Variants in LRRFIP2 observed in about 807,000 individuals in gnomAD.
LRRFIP2 encodes LRR binding FLII interacting protein 2, also known as leucine-rich repeat flightless-interacting protein 2.
LRRFIP2 carries 109 observed loss-of-function variants against 125.9 expected under a neutral mutation model. That is an observed-to-expected ratio of 0.87 (90% CI 0.74 to 1.01). The LOEUF is 1.01. Ranked by LOEUF, LRRFIP2 falls within the 50% of genes least tolerant of loss-of-function variation. The probability of loss-of-function intolerance (pLI) is 0.00; values close to 1 mark genes in which losing one functional copy is unlikely to be tolerated. For missense variants in LRRFIP2, 850 were observed against 862.3 expected (o/e 0.99, Z 0.18); for synonymous variants, 291 against 293.1 (o/e 0.99, Z 0.07).
chr3:37,106,728 A>C (rs1337019539), intron 13 of LRRFIP2, among the ~76,000 whole-genome samples: 2 of 152,020 alleles, frequency 1.3e-5, no homozygotes, highest in African/African-American at 4.8e-5. Flanking sequence ...GGACCACCTG[A>C]GGTCACAAGT....
At chr3:37,129,267 T>C in intron 2 of LRRFIP2, 118 bp from the exon 3 acceptor site, 2 of 751,564 alleles carry the variant, frequency 2.7e-6, no homozygotes, top group South Asian at 1.6e-5. Context: ...GAGAAGATAT[T>C]ATCTATCAGC....
At chr3:37,069,009 G>C (rs1437137175) in intron 21 of LRRFIP2, among the ~76,000 whole-genome samples, 1 of 152,160 alleles carries the variant, frequency 6.6e-6, no homozygotes, top group African/African-American at 2.4e-5. Flanking sequence ...AATGAAGCTA[G>C]AGACAAGTAG....
intron 19 of LRRFIP2, among the ~76,000 whole-genome samples, chr3:37,082,859 A>G (rs74403596): frequency 0.017 from 2,545 of 152,252 alleles, 79 homozygotes; most frequent in African/African-American, 0.055. Flanking sequence ...CTCTCCCTTT[A>G]TTATGTGCAA....
intron 1 of LRRFIP2, among the ~76,000 whole-genome samples, chr3:37,152,964 C>T (rs111640226): frequency 8.1e-4 from 124 of 152,178 alleles, no homozygotes; most frequent in African/African-American, 3.0e-3. Flanking sequence ...ATTCCAGACA[C>T]ATAAAAATCA....
chr3:37,110,455 T>C (rs1018183814), intron 9 of LRRFIP2, among the ~76,000 whole-genome samples: 2 of 152,210 alleles, frequency 1.3e-5, no homozygotes, highest in Non-Finnish European at 2.9e-5. Context: ...ATACACTTAA[T>C]GTGTCTTAAA....
At chr3:37,066,564 T>A (rs1416610558) in intron 21 of LRRFIP2, 2 of 455,126 alleles carry the variant, frequency 4.4e-6, no homozygotes, top group African/African-American at 3.9e-5. Flanking sequence ...CAAAACATGT[T>A]TAATCACATC....
chr3:37,175,419 G>GA (rs35324655), upstream of LRRFIP2, among the ~76,000 whole-genome samples: 1 of 152,132 alleles, frequency 6.6e-6, no homozygotes, highest in African/African-American at 2.4e-5. Flanking sequence ...CTCCCACGGT[G>GA]AAAAAAGTAA....
chr3:37,109,439 T>C (rs1370069760), intron 11 of LRRFIP2, 88 bp downstream of exon 11: 2 of 1,417,896 alleles, frequency 1.4e-6, no homozygotes, highest in East Asian at 2.3e-5. Context: ...TCCTTAACTA[T>C]TTTGGAGAAA....
chr3:37,163,276 C>T (rs1294075730), intron 1 of LRRFIP2, among the ~76,000 whole-genome samples: 1 of 152,186 alleles, frequency 6.6e-6, no homozygotes, highest in Non-Finnish European at 1.5e-5. Flanking sequence ...TGATATATTT[C>T]TTAGGGATAC....
At chr3:37,101,186 T>C (rs923957861) in intron 15 of LRRFIP2, among the ~76,000 whole-genome samples, 2 of 151,442 alleles carry the variant, frequency 1.3e-5, no homozygotes, top group African/African-American at 4.9e-5. Flanking sequence ...TGAAACCCCG[T>C]CTCTACTAAA....
At chr3:37,075,823 A>T (rs1242532025) in intron 19 of LRRFIP2, among the ~76,000 whole-genome samples, 1 of 152,192 alleles carries the variant, frequency 6.6e-6, no homozygotes, top group Non-Finnish European at 1.5e-5. Flanking sequence ...TAATTAAAAC[A>T]ATGTTGTTAT....
chr3:37,153,024 T>C (rs1349001189), intron 1 of LRRFIP2, among the ~76,000 whole-genome samples: 1 of 152,196 alleles, frequency 6.6e-6, no homozygotes, highest in Non-Finnish European at 1.5e-5. Context: ...AGTTTAACAG[T>C]GGTTTTTTTA....
At position 37,060,456 on chromosome 3, in the gene LRRFIP2, A is replaced by C. The variant is rs1260131639; in HGVS notation, c.1750-1546T>G. On this transcript the variant is annotated intron_variant, in intron 24 of 27. Transcript: ENST00000336686. The surrounding 1 kb of genome is among the most constrained non-coding windows in gnomAD (Gnocchi z 4.1). ...CCCGAGTAGCTGGGATTCCAGGTGCATGCCACCACGTCCAATTTTTGTATT... is the reference window on the plus strand; with the variant it reads ...CCCGAGTAGCTGGGATTCCAGGTGCCTGCCACCACGTCCAATTTTTGTATT... Among the ~76,000 whole-genome samples the C allele has an allele frequency of 6.6e-6, 1 of 151,958 alleles. No individual in the cohort carries two copies. The highest frequency in any genetic ancestry group is 1.5e-5 in the Non-Finnish European group (1 of 67,974).
At chr3:37,055,254 C>G (rs2086481797) in intron 25 of LRRFIP2, 89 bp from the exon 26 acceptor site, 8 of 739,226 alleles carry the variant, frequency 1.1e-5, no homozygotes, top group Non-Finnish European at 1.6e-5. Flanking sequence ...ACAGAGAGGA[C>G]CATGCAGTCT....
intron 1 of LRRFIP2, among the ~76,000 whole-genome samples, chr3:37,172,230 T>G (rs2096595491): frequency 1.3e-5 from 2 of 152,256 alleles, no homozygotes; most frequent in South Asian, 4.1e-4. Context: ...TATTGTTCAT[T>G]ACAGCAGTGT....
intron 14 of LRRFIP2, among the ~76,000 whole-genome samples, chr3:37,103,683 C>T (rs4678937): frequency 0.32 from 49,116 of 152,040 alleles, 9,849 homozygotes; most frequent in Non-Finnish European, 0.45. Flanking sequence ...AGAGAAGCAT[C>T]TCTAATCACC....
In LRRFIP2 at chr3:37,058,907, T is replaced by C; in HGVS notation, c.1753A>G (p.Arg585Gly). The C allele has an allele frequency of 6.2e-7, 1 of 1,613,844 alleles. No homozygotes were observed. The highest frequency in any genetic ancestry group is 8.5e-7 in the Non-Finnish European group (1 of 1,179,904). The change falls in exon 25 of 28, where the codon AGA (arginine) becomes GGA (glycine). Residue 585 changes from arginine to glycine, a missense_variant. By Grantham distance (125) the Arg-to-Gly change is moderately radical. Coordinates refer to ENST00000336686, the MANE Select transcript of LRRFIP2 (RefSeq NM_006309.4). ...TCCTCTAACTGAAGCTTCAGTTTTC[T>C]AATCTGAAATGAAAATAAAGGTTCA... The part of the protein sequence containing the change: ...GEKEELLSQI[R>G]KLKLQLEEER...
At chr3:37,116,846 T>C (rs1301237977) in intron 6 of LRRFIP2, among the ~76,000 whole-genome samples, 5 of 152,150 alleles carry the variant, frequency 3.3e-5, no homozygotes, top group South Asian at 2.1e-4. Context: ...TATAAATTCA[T>C]TGAAAATGTT....
Position 37,060,922 on chromosome 3 carries a change from T to A in LRRFIP2, c.1750-2012A>T, listed in dbSNP as rs1158633112. Among the ~76,000 whole-genome samples, 2 of 152,014 alleles carry A rather than the reference T, an allele frequency of 1.3e-5. No individual in the cohort carries two copies. The highest frequency in any genetic ancestry group is 4.8e-5 in the African/African-American group (2 of 41,426). ...TTTCTGGTATATCTCCTCTTACGGT[T>A]TGGATGTCTGTCCCCTCCAAATCTC... On this transcript the variant is annotated intron_variant, in intron 24 of 27. Transcript: ENST00000336686. The surrounding 1 kb of genome is among the most constrained non-coding windows in gnomAD (Gnocchi z 4.1).
Sources: gnomAD v4.1 joint callset for allele counts (sites outside exome capture counted in the v4.1 genomes callset) on GRCh38, gnomAD v4.1.1 for gene constraint, Gnocchi (gnomAD v3.1) non-coding constraint, MANE v1.5 for transcripts, NCBI Gene and HGNC (gene_info 2026-07-23, HGNC 2026-07-21) for gene names.